Variants in GLCE observed in about 807,000 individuals in gnomAD.
GLCE encodes the protein D-glucuronyl C5-epimerase.
Under a neutral mutation model 47.9 loss-of-function variants are expected in GLCE, and 19 were observed. The ratio of observed to expected loss-of-function variants is 0.40; its 90% confidence interval spans 0.28 to 0.58. The LOEUF is 0.58. GLCE is among the 20% of genes least tolerant of loss of function. The probability of loss-of-function intolerance (pLI) is 0.48; values close to 1 mark genes in which losing one functional copy is unlikely to be tolerated. For synonymous variants in GLCE, 245 were observed against 263.4 expected (o/e 0.93, Z 0.68); for missense variants, 556 against 743.3 (o/e 0.75, Z 2.93).
At chr15:69,238,363 T>C (rs1180714524) in intron 2 of GLCE, among the ~76,000 whole-genome samples, 1 of 152,106 alleles carries the variant, frequency 6.6e-6, no homozygotes, top group Non-Finnish European at 1.5e-5. Flanking sequence ...CACTATGTGC[T>C]CACTAATAAT....
intron 1 of GLCE, among the ~76,000 whole-genome samples, chr15:69,200,313 C>A (rs2052059980): frequency 6.6e-6 from 1 of 152,098 alleles, no homozygotes; most frequent in Admixed American, 6.6e-5. Flanking sequence ...ATTTAAAATA[C>A]AGTTTCTTTA....
chr15:69,213,512 G>A (rs1367324653), intron 2 of GLCE, among the ~76,000 whole-genome samples: 1 of 152,124 alleles, frequency 6.6e-6, no homozygotes, highest in Non-Finnish European at 1.5e-5. Flanking sequence ...CGGAGGTGAT[G>A]TGCCTTTCTC....
rs1350144567 is a variant in GLCE at position 69,210,310 on chromosome 15, C to T, written c.-104-6C>T. 1.3e-5 allele frequency: 2 copies of T among 151,992 alleles called. No homozygotes were observed. Among genetic ancestry groups the T allele is most frequent in the Non-Finnish European group, 2.9e-5 (2 of 67,974 alleles). The allele number at this position is 151,992 out of a possible 1,614,324, so 9.4% of individuals were successfully genotyped here. On this transcript the variant is annotated splice_region_variant and splice_polypyrimidine_tract_variant and intron_variant, in intron 1 of 4. Coordinates refer to ENST00000261858, the MANE Select transcript of GLCE (RefSeq NM_015554.3). ...TGACTTAAGGTTTTCAATTTTGTTT[C>T]TCTAGGAATTTGACAAGAAACTGAA...
intron 2 of GLCE, among the ~76,000 whole-genome samples, chr15:69,250,372 G>T (rs1157006370): frequency 6.6e-6 from 1 of 151,240 alleles, no homozygotes; most frequent in Non-Finnish European, 1.5e-5. Flanking sequence ...ATCCTCCTTC[G>T]ATCTCTCTTA....
chr15:69,204,662 T>C (rs2052125303), intron 1 of GLCE, among the ~76,000 whole-genome samples: 1 of 152,168 alleles, frequency 6.6e-6, no homozygotes, highest in Non-Finnish European at 1.5e-5. Context: ...TGACCAACAA[T>C]GTGGAATTCT....
chr15:69,184,780 T>C (rs1433440542), intron 1 of GLCE, among the ~76,000 whole-genome samples: 2 of 152,206 alleles, frequency 1.3e-5, no homozygotes, highest in East Asian at 1.9e-4. Flanking sequence ...GCTGGCTTTA[T>C]TCCAGGGTGG....
rs115931338 is a variant in GLCE, at chr15:69,208,512, A to G, written c.-104-1804A>G. The stretch of plus-strand genomic sequence containing the variant: ...TTGATTGATCTCTCCCTTCAGCAAT[A>G]TCACATTGTCTTGGTAAGTAGCTTA... On this transcript the variant is annotated intron_variant, in intron 1 of 4. Transcript: ENST00000261858. 2.4e-3 allele frequency among the ~76,000 whole-genome samples: 363 copies of G among 152,186 alleles called. 1 individual carries two copies. The highest frequency in any genetic ancestry group is 6.4e-3 in the African/African-American group (268 of 41,568).
intron 3 of GLCE, among the ~76,000 whole-genome samples, 163 bp downstream of exon 3, chr15:69,256,555 T>G (rs1396759903): frequency 6.6e-6 from 1 of 152,186 alleles, no homozygotes; most frequent in Non-Finnish European, 1.5e-5. Context: ...TAGGGCAACT[T>G]TCTAGATGCT....
At chr15:69,228,202 G>A (rs1323940351) in intron 2 of GLCE, among the ~76,000 whole-genome samples, 1 of 152,112 alleles carries the variant, frequency 6.6e-6, no homozygotes, top group Non-Finnish European at 1.5e-5. Flanking sequence ...GGAACTATAA[G>A]TTGTCAAAAC....
intron 1 of GLCE, among the ~76,000 whole-genome samples, chr15:69,194,116 A>G (rs1369350321): frequency 1.3e-5 from 2 of 152,168 alleles, no homozygotes; most frequent in Non-Finnish European, 2.9e-5. Flanking sequence ...TTGGCCCTAG[A>G]AAACAGTTCC....
intron 4 of GLCE, 106 bp from the exon 5 acceptor site, chr15:69,268,114 G>A: frequency 1.5e-6 from 1 of 652,778 alleles, no homozygotes; most frequent in South Asian, 2.1e-5. Context: ...ATATGTAAGT[G>A]TTAATTTTGT....
intron 2 of GLCE, among the ~76,000 whole-genome samples, chr15:69,243,057 CAAAA>C (rs547412078): frequency 2.4e-5 from 1 of 42,358 alleles, no homozygotes. Flanking sequence ...AGATCCTGTC[CAAAA>C]AAAAAAAAAA....
intron 2 of GLCE, among the ~76,000 whole-genome samples, chr15:69,230,596 T>C (rs1375718066): frequency 6.6e-6 from 1 of 152,196 alleles, no homozygotes; most frequent in Non-Finnish European, 1.5e-5. Flanking sequence ...TAATTGGGAG[T>C]TGCTCTCTCA....
At chr15:69,266,515 G>C (rs374033368) in intron 4 of GLCE, among the ~76,000 whole-genome samples, 2 of 152,028 alleles carry the variant, frequency 1.3e-5, no homozygotes, top group Non-Finnish European at 2.9e-5. Context: ...GTAGAGTTAG[G>C]GTCTCGCTTT....
In GLCE at chr15:69,268,457, C is replaced by G; in HGVS notation, c.1067C>G (p.Thr356Ser). 1 of 1,614,210 alleles carries G rather than the reference C, an allele frequency of 6.2e-7. No homozygotes were observed. Among genetic ancestry groups the G allele is most frequent in the Non-Finnish European group, 8.5e-7 (1 of 1,180,020 alleles). ...AGCACAGTTACCAGGGACCTGGTCA[C>G]TGACCTCAGGAAAGGAGTGGGTCTT... Reference protein sequence around the residue: ...SWSTVTRDLVTDLRKGVGLSN... With the variant: ...SWSTVTRDLVSDLRKGVGLSN... Residue 356 changes from threonine to serine, a missense_variant, in exon 5 of 5, where the codon ACT becomes AGT. Transcript: ENST00000261858.
rs2053174565 is a variant in GLCE, at chr15:69,272,145, G to T, written c.*2901G>T. 1 of 152,584 alleles carries T rather than the reference G, an allele frequency of 6.6e-6. No homozygotes were observed. Among genetic ancestry groups the T allele is most frequent in the Non-Finnish European group, 1.5e-5 (1 of 68,020 alleles). 9.5% of individuals were successfully genotyped at this position (152,584 alleles called of 1,614,324 possible). A position where few individuals can be genotyped will look rare whatever the true frequency, so the allele number is the denominator to read the frequency against. On this transcript the variant is annotated 3_prime_UTR_variant, in exon 5 of 5. Transcript: ENST00000261858. Reference sequence around the variant, plus strand: ...TGTTTCTATACAAAGTAAATGGATTGTTTGTGCTTAATGTAAAGCCGCTTT... The same window carrying T: ...TGTTTCTATACAAAGTAAATGGATTTTTTGTGCTTAATGTAAAGCCGCTTT...
In GLCE at chr15:69,268,247, TG is replaced by T; in HGVS notation, c.860del (p.Gly287GlufsTer15). ...ACCAGTGAAGGTGTATCCTTGCAAC[TG>T]GGAAACACAAAAGATTTTATTATTT... ...PETSEGVSLQLGNTKDFIISF... is the reference protein window; with the variant it reads ...PETSEGVSLQXGNTKDFIISF... On this transcript the variant is annotated frameshift_variant, in exon 5 of 5. Transcript: ENST00000261858. LOFTEE classifies it high-confidence loss of function. 1 of 1,609,230 alleles carries T rather than the reference TG, an allele frequency of 6.2e-7. No individual in the cohort carries two copies. Among genetic ancestry groups the T allele is most frequent in the Non-Finnish European group, 8.5e-7 (1 of 1,177,586 alleles).
intron 2 of GLCE, among the ~76,000 whole-genome samples, chr15:69,232,942 A>G (rs1412841864): frequency 2.4e-4 from 37 of 152,192 alleles, no homozygotes; most frequent in Admixed American, 2.4e-3. Flanking sequence ...GGTGGAGAAT[A>G]TGCTTTTTCG....
intron 1 of GLCE, among the ~76,000 whole-genome samples, chr15:69,193,419 T>C (rs561738330): frequency 1.6e-4 from 24 of 152,268 alleles, no homozygotes; most frequent in African/African-American, 5.3e-4. Context: ...CTTTTCCATT[T>C]ATACCATAAA....
Sources: allele counts gnomAD v4.1 joint callset (sites outside exome capture counted in the v4.1 genomes callset), GRCh38; gene constraint gnomAD v4.1.1; transcripts MANE v1.5; gene names NCBI Gene and HGNC (gene_info 2026-07-23, HGNC 2026-07-21).